PIP4P2: variants seen among roughly 807,000 people sequenced by gnomAD.
PIP4P2 encodes the protein type 2 phosphatidylinositol 4,5-bisphosphate 4-phosphatase.
Under a neutral mutation model 33.3 loss-of-function variants are expected in PIP4P2, and 19 were observed. The observed-to-expected ratio is 0.57, with a 90% confidence interval of 0.40 to 0.84. The LOEUF is 0.84. PIP4P2 is among the 40% of genes least tolerant of loss of function. The probability of loss-of-function intolerance (pLI) is 0.00; values close to 1 mark genes in which losing one functional copy is unlikely to be tolerated. For missense variants in PIP4P2, 270 were observed against 324.7 expected (o/e 0.83, Z 1.29); for synonymous variants, 110 against 111.9 (o/e 0.98, Z 0.11).
At chr8:91,030,212 T>A (rs1478290046) in intron 1 of PIP4P2, among the ~76,000 whole-genome samples, 10 of 77,052 alleles carry the variant, frequency 1.3e-4, no homozygotes, top group African/African-American at 4.1e-4. Context: ...AGACTCCATC[T>A]CAAAAAAAAA....
chr8:91,035,500 T>C (rs1175848241), intron 1 of PIP4P2, among the ~76,000 whole-genome samples: 1 of 152,198 alleles, frequency 6.6e-6, no homozygotes, highest in Non-Finnish European at 1.5e-5. Flanking sequence ...TGAAGTATTT[T>C]CTTGCTCTTG....
At chr8:91,021,572 G>A in intron 1 of PIP4P2, 168 bp from the exon 2 acceptor site, 1 of 720,278 alleles carries the variant, frequency 1.4e-6, no homozygotes, top group Non-Finnish European at 2.2e-6. Flanking sequence ...AAACATCCAT[G>A]AGACTCTTAT....
intron 4 of PIP4P2, among the ~76,000 whole-genome samples, chr8:91,010,392 C>CT (rs1408401097): frequency 1.3e-5 from 2 of 151,872 alleles, no homozygotes; most frequent in Non-Finnish European, 2.9e-5. Flanking sequence ...GGCTAACAGA[C>CT]TGACATAGGA....
At chr8:91,038,061 A>G (rs1213912950) in intron 1 of PIP4P2, among the ~76,000 whole-genome samples, 1 of 152,212 alleles carries the variant, frequency 6.6e-6, no homozygotes, top group Admixed American at 6.5e-5. Flanking sequence ...ACAGTAGAGA[A>G]CACTAGACAT....
intron 1 of PIP4P2, among the ~76,000 whole-genome samples, chr8:91,027,633 A>G (rs1475049950): frequency 6.6e-6 from 1 of 152,068 alleles, no homozygotes; most frequent in African/African-American, 2.4e-5. Flanking sequence ...AAAGAGAATA[A>G]AACACAATAA....
chr8:91,030,315 G>C (rs916353647), intron 1 of PIP4P2, among the ~76,000 whole-genome samples: 1 of 151,916 alleles, frequency 6.6e-6, no homozygotes, highest in African/African-American at 2.4e-5. Context: ...TGTATAGATA[G>C]TAATAGATCT....
intron 1 of PIP4P2, among the ~76,000 whole-genome samples, chr8:91,031,692 G>T (rs1045454473): frequency 3.3e-5 from 5 of 152,182 alleles, no homozygotes; most frequent in Admixed American, 3.3e-4. Context: ...CATGCTAGTT[G>T]GGCTTCTAAT....
intron 1 of PIP4P2, among the ~76,000 whole-genome samples, chr8:91,028,709 G>A (rs1322592446): frequency 2.6e-5 from 4 of 152,158 alleles, no homozygotes; most frequent in Non-Finnish European, 5.9e-5. Flanking sequence ...CCACATCCCT[G>A]GGGAAATTTC....
intron 1 of PIP4P2, among the ~76,000 whole-genome samples, chr8:91,034,869 AT>A (rs1195479856): frequency 1.3e-5 from 2 of 152,210 alleles, no homozygotes; most frequent in African/African-American, 2.4e-5. Flanking sequence ...GCCAAAATGT[AT>A]TCAATCTCTT....
chr8:90,996,990 C>T (rs1174301623), intron 5 of PIP4P2, among the ~76,000 whole-genome samples: 1 of 151,962 alleles, frequency 6.6e-6, no homozygotes, highest in African/African-American at 2.4e-5. Flanking sequence ...ATAATATCCA[C>T]AGAAATCCAT....
At chr8:91,034,423 C>T (rs566388221) in intron 1 of PIP4P2, among the ~76,000 whole-genome samples, 75 of 152,214 alleles carry the variant, frequency 4.9e-4, no homozygotes, top group African/African-American at 7.2e-4. Flanking sequence ...AGCTAGAAGC[C>T]GATCTATTTC....
intron 4 of PIP4P2, among the ~76,000 whole-genome samples, chr8:91,010,136 A>T (rs1003501366): frequency 2.6e-5 from 4 of 151,962 alleles, no homozygotes; most frequent in African/African-American, 9.7e-5. Flanking sequence ...TGCTAAACAG[A>T]TATTAATATA....
At chr8:91,002,915 T>G (rs1031084687) in intron 5 of PIP4P2, among the ~76,000 whole-genome samples, 3 of 152,064 alleles carry the variant, frequency 2.0e-5, no homozygotes, top group Non-Finnish European at 4.4e-5. Flanking sequence ...ATAACTAGGT[T>G]GTGTGTGTAG....
At chr8:90,996,519 C>G (rs192984370) in intron 6 of PIP4P2, 135 bp downstream of exon 6, 1 of 591,460 alleles carries the variant, frequency 1.7e-6, no homozygotes, top group Non-Finnish European at 2.8e-6. Flanking sequence ...TGCTCATAAT[C>G]ATTCAGAAGC....
chr8:91,028,864 G>C (rs1233197872), intron 1 of PIP4P2, among the ~76,000 whole-genome samples: 1 of 152,212 alleles, frequency 6.6e-6, no homozygotes, highest in East Asian at 1.9e-4. Flanking sequence ...GAGCTCTAGT[G>C]CCAGAGAAAG....
intron 1 of PIP4P2, among the ~76,000 whole-genome samples, chr8:91,036,250 C>T (rs895952078): frequency 5.6e-5 from 5 of 90,050 alleles, no homozygotes; most frequent in East Asian, 3.2e-4. Context: ...ATATGACAAC[C>T]GGATCTACAC....
chr8:90,996,596 G>T, intron 6 of PIP4P2, 58 bp downstream of exon 6: 2 of 1,454,618 alleles, frequency 1.4e-6, no homozygotes, highest in South Asian at 2.5e-5. Flanking sequence ...CAGGCCTCAT[G>T]ATTGACTACT....
intron 1 of PIP4P2, among the ~76,000 whole-genome samples, chr8:91,029,266 G>C (rs1194917652): frequency 2.0e-5 from 3 of 151,908 alleles, no homozygotes; most frequent in African/African-American, 7.3e-5. Flanking sequence ...ACTCCAGCCT[G>C]GGCTACAGAG....
intron 1 of PIP4P2, among the ~76,000 whole-genome samples, chr8:91,024,776 A>G (rs1253023716): frequency 2.0e-5 from 3 of 152,140 alleles, no homozygotes; most frequent in Admixed American, 2.0e-4. Context: ...GTTTTTCTAA[A>G]TTAAAAAGCT....
Sources: gnomAD v4.1 joint callset for allele counts (sites outside exome capture counted in the v4.1 genomes callset) on GRCh38, gnomAD v4.1.1 for gene constraint, MANE v1.5 for transcripts, NCBI Gene and HGNC (gene_info 2026-07-23, HGNC 2026-07-21) for gene names.